Variants in MAP3K5 observed in about 807,000 individuals in gnomAD.
The protein encoded by MAP3K5 is ASK-1.
In MAP3K5, 56 loss-of-function variants were observed where a neutral mutation model predicts 158.7. The observed-to-expected ratio is 0.35, with a 90% CI of 0.28 to 0.44. The LOEUF is 0.44. MAP3K5 is among the 20% of genes least tolerant of loss of function. The probability of loss-of-function intolerance (pLI) is 1.00; values close to 1 mark genes in which losing one functional copy is unlikely to be tolerated. For missense variants in MAP3K5, 1,294 were observed against 1,674.8 expected, an observed-to-expected ratio of 0.77 and a Z score of 3.97; for synonymous variants, 579 against 601.7, an observed-to-expected ratio of 0.96 and a Z score of 0.55.
intron 1 of MAP3K5, among the ~76,000 whole-genome samples, chr6:136,777,913 C>T (rs1035210884): frequency 2.0e-5 from 3 of 152,038 alleles, no homozygotes; most frequent in Admixed American, 1.3e-4. Flanking sequence ...TTATGTAACA[C>T]GGGTGAGAAA....
chr6:136,561,869 CCTA>C (rs1297163488), intron 27 of MAP3K5, among the ~76,000 whole-genome samples: 49 of 152,202 alleles, frequency 3.2e-4, no homozygotes, highest in Non-Finnish European at 5.3e-4. Context: ...AAATGACACT[CCTA>C]CGTTACACTT....
chr6:136,780,425 A>G (rs767189643), intron 1 of MAP3K5, among the ~76,000 whole-genome samples: 10 of 152,142 alleles, frequency 6.6e-5, no homozygotes, highest in South Asian at 4.1e-4. Context: ...TGTATACCAT[A>G]TTTGCTCTTC....
At chr6:136,720,276 A>G (rs1781695431) in intron 2 of MAP3K5, among the ~76,000 whole-genome samples, 174 bp downstream of exon 2, 1 of 152,190 alleles carries the variant, frequency 6.6e-6, no homozygotes, top group Admixed American at 6.5e-5. Flanking sequence ...CGTGTCATCA[A>G]ATTTCTACAG....
intron 21 of MAP3K5, among the ~76,000 whole-genome samples, chr6:136,599,261 AATG>A (rs1237644663): frequency 6.6e-6 from 1 of 151,986 alleles, no homozygotes; most frequent in Non-Finnish European, 1.5e-5. Context: ...TCATCCATGT[AATG>A]ATATTGTTTT....
chr6:136,746,413 T>C (rs1343204545), intron 1 of MAP3K5, among the ~76,000 whole-genome samples: 1 of 152,224 alleles, frequency 6.6e-6, no homozygotes, highest in Non-Finnish European at 1.5e-5. Context: ...AACTTAATTA[T>C]TGACCCAGGA....
intron 2 of MAP3K5, among the ~76,000 whole-genome samples, chr6:136,715,545 T>C (rs1247242713): frequency 6.6e-6 from 1 of 152,194 alleles, no homozygotes; most frequent in Non-Finnish European, 1.5e-5. Flanking sequence ...TATAATTCCA[T>C]GCACATGTCT....
chr6:136,642,447 G>T, intron 12 of MAP3K5, 73 bp downstream of exon 12: 1 of 1,013,132 alleles, frequency 9.9e-7, no homozygotes, highest in Non-Finnish European at 1.5e-6. Flanking sequence ...ATCATGATTA[G>T]AAGTTCTATC....
chr6:136,648,160 G>A lies in MAP3K5; in HGVS notation c.1788+2824C>T, dbSNP rs542376002. Among the ~76,000 whole-genome samples, 6 of 152,256 alleles carry A rather than the reference G, an allele frequency of 3.9e-5. No individual in the cohort carries two copies. The East Asian group carries it at 9.7e-4, about 25-fold the overall frequency. On this transcript the variant is annotated intron_variant, in intron 11 of 29. Transcript: ENST00000359015. ...GCCTGTCTTCAAAGTCCTTTGGCAA[G>A]GAAGTTTTCTGTTATGAATAAATTA...
intron 8 of MAP3K5, among the ~76,000 whole-genome samples, chr6:136,661,440 G>C (rs999327157): frequency 1.3e-5 from 2 of 152,270 alleles, no homozygotes; most frequent in East Asian, 3.9e-4. Flanking sequence ...CTGTCGCCCA[G>C]GCTGGAGTGC....
chr6:136,662,211 T>A (rs1003903107), intron 8 of MAP3K5, among the ~76,000 whole-genome samples: 2 of 152,218 alleles, frequency 1.3e-5, no homozygotes, highest in East Asian at 1.9e-4. Context: ...GAAAATGCTG[T>A]ACCAATTTAT....
chr6:136,657,291 C>T (rs1778794564), intron 9 of MAP3K5, among the ~76,000 whole-genome samples: 1 of 152,130 alleles, frequency 6.6e-6, no homozygotes, highest in African/African-American at 2.4e-5. Flanking sequence ...GTGATAATGG[C>T]TATGCAGGCG....
intron 14 of MAP3K5, among the ~76,000 whole-genome samples, chr6:136,631,045 G>A (rs1777325841): frequency 6.6e-6 from 1 of 151,088 alleles, no homozygotes; most frequent in African/African-American, 2.4e-5. Context: ...GCTGCAATGA[G>A]CCGAGATCAC....
chr6:136,779,802 C>A (rs895756428), intron 1 of MAP3K5, among the ~76,000 whole-genome samples: 9 of 152,206 alleles, frequency 5.9e-5, no homozygotes, highest in Non-Finnish European at 1.3e-4. Context: ...TGGCTTATAT[C>A]TTTTCTCACA....
At chr6:136,757,885 C>T (rs1783576469) in intron 1 of MAP3K5, among the ~76,000 whole-genome samples, 1 of 152,026 alleles carries the variant, frequency 6.6e-6, no homozygotes, top group Non-Finnish European at 1.5e-5. Context: ...TGCCCAGCCT[C>T]ATTTTATAGA....
intron 3 of MAP3K5, among the ~76,000 whole-genome samples, chr6:136,702,137 A>G (rs1262805649): frequency 6.6e-6 from 1 of 152,138 alleles, no homozygotes; most frequent in Non-Finnish European, 1.5e-5. Flanking sequence ...TCTAGGCTTC[A>G]GTGCATTCTT....
At chr6:136,725,153 T>G (rs1471401581) in intron 1 of MAP3K5, among the ~76,000 whole-genome samples, 1 of 152,246 alleles carries the variant, frequency 6.6e-6, no homozygotes, top group Non-Finnish European at 1.5e-5. Context: ...CAATTTTGAA[T>G]AAAGTTGCTA....
At chr6:136,695,606 G>C (rs530815259) in intron 6 of MAP3K5, among the ~76,000 whole-genome samples, 1 of 152,266 alleles carries the variant, frequency 6.6e-6, no homozygotes, top group South Asian at 2.1e-4. Flanking sequence ...ACTTTTGTGT[G>C]AATGACCATC....
intron 2 of MAP3K5, among the ~76,000 whole-genome samples, chr6:136,707,298 G>C (rs1781118358): frequency 6.6e-6 from 1 of 152,238 alleles, no homozygotes; most frequent in Non-Finnish European, 1.5e-5. Context: ...GAATGACAGA[G>C]ACAGCAAGGG....
intron 3 of MAP3K5, among the ~76,000 whole-genome samples, chr6:136,700,427 C>G (rs941609269): frequency 2.0e-5 from 3 of 152,126 alleles, no homozygotes; most frequent in African/African-American, 7.2e-5. Context: ...GGCAATTCTG[C>G]ACTTCTAAGG....
Sources: gnomAD v4.1 joint callset for allele counts (sites outside exome capture counted in the v4.1 genomes callset) on GRCh38, gnomAD v4.1.1 for gene constraint, MANE v1.5 for transcripts, NCBI Gene and HGNC (gene_info 2026-07-23, HGNC 2026-07-21) for gene names.